SMYD5: variants seen among roughly 807,000 people sequenced by gnomAD.
SMYD5 encodes the protein protein-lysine N-trimethyltransferase SMYD5.
Under a neutral mutation model 57.4 loss-of-function variants are expected in SMYD5, and 35 were observed. That is an observed-to-expected ratio of 0.61 (90% CI 0.47 to 0.81). The LOEUF is 0.81. SMYD5 is among the 30% of genes least tolerant of loss of function. The probability of loss-of-function intolerance (pLI) is 0.00; values close to 1 mark genes in which losing one functional copy is unlikely to be tolerated. For synonymous variants in SMYD5, 198 were observed against 189.7 expected (o/e 1.04, Z -0.36); for missense variants, 471 against 527.9 (o/e 0.89, Z 1.06).
intron 6 of SMYD5, 81 bp from the exon 7 acceptor site, chr2:73,222,674 C>A: frequency 4.1e-6 from 5 of 1,205,014 alleles, no homozygotes; most frequent in Non-Finnish European, 6.0e-6. Context: ...TTCCTTCCCT[C>A]CCCTAGTCGC....
At chr2:73,224,750 A>G (rs1686466309) in intron 10 of SMYD5, 116 bp from the exon 11 acceptor site, 13 of 783,176 alleles carry the variant, frequency 1.7e-5, no homozygotes, top group Middle Eastern at 2.9e-4. Flanking sequence ...TTGGGTTCCA[A>G]AACGTGCTCA....
rs189040805 is a variant in SMYD5 at position 73,220,399 on chromosome 2, G to T, written c.345+209G>T. ...TGTCTGGAAAATGGGCTTGGTGGGA[G>T]CTGGAAAATGGGCTTGGTGGGAGCT... On this transcript the variant is annotated intron_variant, in intron 3 of 12. Coordinates refer to ENST00000389501, the MANE Select transcript of SMYD5 (RefSeq NM_006062.3). Among the ~76,000 whole-genome samples the T allele has an allele frequency of 8.5e-5, 13 of 152,196 alleles. No homozygotes were observed. In the East Asian group the frequency reaches 2.5e-3, roughly 29 times the overall value.
chr2:73,220,241 T>TA (rs780232368), intron 3 of SMYD5, 51 bp downstream of exon 3: 2 of 1,600,724 alleles, frequency 1.2e-6, no homozygotes, highest in South Asian at 2.2e-5. Flanking sequence ...AGGGAGGCCT[T>TA]AGCTGGAGTC....
chr2:73,223,049 A>G lies in SMYD5; in HGVS notation c.719A>G (p.Asp240Gly), dbSNP rs749214782. Residue 240 changes from aspartate (D) to glycine (G), a missense_variant, in exon 8 of 13, where the codon GAT becomes GGT. By Grantham distance (94) the Asp-to-Gly change is moderately conservative. Coordinates refer to ENST00000389501, the MANE Select transcript of SMYD5 (RefSeq NM_006062.3). ...TTCCCCCCACAGTGGTTCACTCCAGATGGATTCCGGTCTCTCTTTGCTCTT... is the reference window on the plus strand; with the variant it reads ...TTCCCCCCACAGTGGTTCACTCCAGGTGGATTCCGGTCTCTCTTTGCTCTT... ...EEAVSQWFTP[D>G]GFRSLFALVG... 4 of 1,614,134 alleles carry G rather than the reference A, an allele frequency of 2.5e-6. No individual in the cohort carries two copies. Among genetic ancestry groups the G allele is most frequent in the Non-Finnish European group, 3.4e-6 (4 of 1,179,960 alleles).
At chr2:73,216,920 T>C (rs1193341252) in intron 1 of SMYD5, among the ~76,000 whole-genome samples, 1 of 151,774 alleles carries the variant, frequency 6.6e-6, no homozygotes, top group Non-Finnish European at 1.5e-5. Flanking sequence ...ATGTATGGTT[T>C]GTCCCCTTTC....
Position 73,225,321 on chromosome 2 carries a change from C to T in SMYD5, c.1036-310C>T, listed in dbSNP as rs1686478894. On this transcript the variant is annotated intron_variant, in intron 11 of 12. Transcript: ENST00000389501. ...CAGGCACAGTGCCTGGTTGAATCTT[C>T]TTGAGGGCAAGTAGCATCATACCAA... 20 of 507,198 alleles carry T rather than the reference C, an allele frequency of 3.9e-5. No homozygotes were observed. In the South Asian group the frequency reaches 5.5e-4, roughly 14 times the overall value. 31.4% of individuals were successfully genotyped at this position (507,198 alleles called of 1,614,324 possible).
In SMYD5 at chr2:73,218,898, G is replaced by A; in HGVS notation, c.134G>A (p.Gly45Glu). Residue 45 changes from glycine (G) to glutamate (E), a missense_variant, in exon 2 of 13, where the codon GGG becomes GAG. By Grantham distance (98) the Gly-to-Glu change is moderately conservative. Transcript: ENST00000389501. Reference sequence around the variant, plus strand: ...TTTGCCACACAGCTCATCCGGAAGGGGGAGACCATCTTCGTAGAACGGCCC... The same window carrying A: ...TTTGCCACACAGCTCATCCGGAAGGAGGAGACCATCTTCGTAGAACGGCCC... ...GLFATQLIRKGETIFVERPLV... is the reference protein window; with the variant it reads ...GLFATQLIRKEETIFVERPLV... 4 of 1,614,142 alleles carry A rather than the reference G, an allele frequency of 2.5e-6. No homozygotes were observed. Among genetic ancestry groups the A allele is most frequent in the Non-Finnish European group, 3.4e-6 (4 of 1,180,004 alleles).
chr2:73,223,555 C>T (rs376748239), intron 9 of SMYD5, 23 bp downstream of exon 9: 2 of 1,521,492 alleles, frequency 1.3e-6, no homozygotes, highest in Non-Finnish European at 9.1e-7. Flanking sequence ...GGGCCTTGGC[C>T]TCACCCAGCC....
chr2:73,214,636 G>T, intron 1 of SMYD5: 2 of 1,496,172 alleles, frequency 1.3e-6, no homozygotes, highest in South Asian at 2.4e-5. Flanking sequence ...TGCTCGGGGC[G>T]GGGCTAGGGG....
chr2:73,220,536 CTA>C, intron 3 of SMYD5, 123 bp from the exon 4 acceptor site: 2 of 1,152,254 alleles, frequency 1.7e-6, no homozygotes, highest in South Asian at 2.8e-5. Context: ...CCAGAGCACC[CTA>C]TGTTTTCTCT....
intron 1 of SMYD5, 197 bp downstream of exon 1, chr2:73,214,559 T>G: frequency 1.3e-6 from 2 of 1,487,250 alleles, no homozygotes; most frequent in Non-Finnish European, 1.8e-6. Flanking sequence ...GACCCGGGCC[T>G]CCGGAGTCTC....
chr2:73,217,630 G>A (rs1448767794), intron 1 of SMYD5, among the ~76,000 whole-genome samples: 3 of 152,306 alleles, frequency 2.0e-5, no homozygotes, highest in East Asian at 3.9e-4. Flanking sequence ...AGCTTCCAGA[G>A]TTGTTCACAG....
chr2:73,220,904 G>C lies in SMYD5; in HGVS notation c.467+122G>C, dbSNP rs192977995. On this transcript the variant is annotated intron_variant, in intron 4 of 12. Coordinates refer to ENST00000389501, the MANE Select transcript of SMYD5 (RefSeq NM_006062.3). Reference sequence around the variant, plus strand: ...CCCGGATTTTTCTTCCTTTCTTAGGGTTAAACAGAAGTCACATAACCCTAT... The same window carrying C: ...CCCGGATTTTTCTTCCTTTCTTAGGCTTAAACAGAAGTCACATAACCCTAT... 45 of 1,209,888 alleles carry C rather than the reference G, an allele frequency of 3.7e-5. No homozygotes were observed. The Admixed American group carries it at 6.2e-4, about 17-fold the overall frequency. The allele number at this position is 1,209,888 out of a possible 1,614,324, so 74.9% of individuals were successfully genotyped here.
chr2:73,225,232 G>T, intron 11 of SMYD5: 1 of 485,572 alleles, frequency 2.1e-6, no homozygotes, highest in Non-Finnish European at 3.6e-6. Flanking sequence ...GTCAAATGCA[G>T]ATATGTAATT....
chr2:73,218,515 G>C (rs1220139335), intron 1 of SMYD5, among the ~76,000 whole-genome samples: 2 of 152,236 alleles, frequency 1.3e-5, no homozygotes, highest in African/African-American at 2.4e-5. Flanking sequence ...GCCATTATCA[G>C]CTCCTGGTAC....
intron 5 of SMYD5, 137 bp from the exon 6 acceptor site, chr2:73,221,689 G>T: frequency 1.5e-6 from 1 of 666,724 alleles, no homozygotes; most frequent in Non-Finnish European, 2.7e-6. Flanking sequence ...ATGGTTGTGG[G>T]TGGGCAGCAT....
At chr2:73,214,474 G>A (rs1456768574) in intron 1 of SMYD5, 112 bp downstream of exon 1, 6 of 1,539,156 alleles carry the variant, frequency 3.9e-6, no homozygotes, top group Middle Eastern at 2.3e-4. Flanking sequence ...CGGACGCTAC[G>A]GCCCTGCCCC....
At position 73,221,923 on chromosome 2, in the gene SMYD5, A is replaced by T. The variant is rs1417326327; in HGVS notation, c.635A>T (p.Lys212Ile). The T allele has an allele frequency of 1.2e-6, 2 of 1,600,578 alleles. No homozygotes were observed. The highest frequency in any genetic ancestry group is 2.7e-5 in the African/African-American group (2 of 74,638). The part of the protein sequence containing the change: ...EEIVHKLLGD[K>I]FKGQLELLRR... Reference sequence around the variant, plus strand: ...ATTGTCCATAAACTTCTGGGAGACAAATTCAAGGTTATTATTCTCCCGTGG... The same window carrying T: ...ATTGTCCATAAACTTCTGGGAGACATATTCAAGGTTATTATTCTCCCGTGG... The change falls in exon 6 of 13, where the codon AAA (lysine) becomes ATA (isoleucine). Residue 212 changes from lysine (K) to isoleucine (I), a missense_variant. Coordinates refer to ENST00000389501, the MANE Select transcript of SMYD5 (RefSeq NM_006062.3).
intron 1 of SMYD5, among the ~76,000 whole-genome samples, chr2:73,216,839 G>A (rs1250510587): frequency 6.6e-6 from 1 of 152,100 alleles, no homozygotes; most frequent in African/African-American, 2.4e-5. Context: ...CAAAGTGCTA[G>A]ATTTACAGTG....
Sources: allele counts gnomAD v4.1 joint callset (sites outside exome capture counted in the v4.1 genomes callset), GRCh38; gene constraint gnomAD v4.1.1; transcripts MANE v1.5; gene names NCBI Gene and HGNC (gene_info 2026-07-23, HGNC 2026-07-21).